The following AOAH variants were observed in gnomAD, a reference collection of about 807,000 sequenced individuals.
AOAH encodes the protein acyloxyacyl hydrolase (neutrophil).
In AOAH, 64 loss-of-function variants were observed where a neutral mutation model predicts 92.2. That is an observed-to-expected ratio of 0.69 (90% confidence interval 0.57 to 0.86). AOAH has a LOEUF of 0.86. AOAH is among the 40% of genes least tolerant of loss of function. AOAH has a pLI of 0.00. For synonymous variants in AOAH, 263 were observed against 254.5 expected, an observed-to-expected ratio of 1.03 and a Z score of -0.32; for missense variants, 656 against 694.6, an observed-to-expected ratio of 0.94 and a Z score of 0.62.
At chr7:36,632,404 C>G (rs1263738444) in intron 5 of AOAH, among the ~76,000 whole-genome samples, 2 of 152,156 alleles carry the variant, frequency 1.3e-5, no homozygotes, top group African/African-American at 4.8e-5. Context: ...GGTCCGGCAA[C>G]AGCATTCCTC....
intron 4 of AOAH, among the ~76,000 whole-genome samples, chr7:36,654,133 A>ATCCCTGTGCGTGTGTGTACG (rs1554305715): frequency 1.8e-5 from 2 of 113,856 alleles, no homozygotes; most frequent in Non-Finnish European, 4.1e-5. Flanking sequence ...GTGCGTACAC[A>ATCCCTGTGCGTGTGTGTACG]CACACACACA....
chr7:36,534,920 GTC>G (rs1444958338), intron 16 of AOAH, among the ~76,000 whole-genome samples: 5 of 151,396 alleles, frequency 3.3e-5, no homozygotes, highest in Non-Finnish European at 1.5e-5. Context: ...GTCTCTGTCT[GTC>G]TGTGTTTTTG....
At chr7:36,610,662 A>T (rs1360646190) in intron 11 of AOAH, among the ~76,000 whole-genome samples, 1 of 152,208 alleles carries the variant, frequency 6.6e-6, no homozygotes, top group Non-Finnish European at 1.5e-5. Context: ...TATATTTAAC[A>T]TATATAATTA....
intron 13 of AOAH, among the ~76,000 whole-genome samples, chr7:36,569,310 A>G (rs1270668433): frequency 1.3e-5 from 2 of 152,180 alleles, no homozygotes; most frequent in Non-Finnish European, 2.9e-5. Flanking sequence ...CTTGTCTGGA[A>G]ACTGTAAAGA....
At chr7:36,630,543 A>G (rs559858215) in intron 6 of AOAH, among the ~76,000 whole-genome samples, 20 of 152,264 alleles carry the variant, frequency 1.3e-4, no homozygotes, top group African/African-American at 4.8e-4. Flanking sequence ...GGACATGGAC[A>G]CCCAGGAGTC....
intron 3 of AOAH, among the ~76,000 whole-genome samples, chr7:36,667,771 T>C (rs924525349): frequency 6.6e-6 from 1 of 152,202 alleles, no homozygotes; most frequent in Non-Finnish European, 1.5e-5. Context: ...TTTTGTCTTA[T>C]TGGAGAACTG....
intron 13 of AOAH, among the ~76,000 whole-genome samples, chr7:36,552,295 G>T (rs1181022481): frequency 6.6e-6 from 1 of 152,094 alleles, no homozygotes; most frequent in African/African-American, 2.4e-5. Context: ...GAGGATAAAG[G>T]TTTCCAGCTC....
intron 4 of AOAH, among the ~76,000 whole-genome samples, chr7:36,654,989 C>A (rs995380314): frequency 6.6e-6 from 1 of 152,220 alleles, no homozygotes; most frequent in Non-Finnish European, 1.5e-5. Context: ...ACGTTAAGTG[C>A]AGCGGCTGGC....
intron 20 of AOAH, among the ~76,000 whole-genome samples, chr7:36,515,278 A>C (rs1583699458): frequency 2.2e-5 from 2 of 91,080 alleles, no homozygotes; most frequent in African/African-American, 4.5e-5. Context: ...ACACACCCCC[A>C]CACTACACAC....
At chr7:36,628,121 G>A (rs989453683) in intron 6 of AOAH, among the ~76,000 whole-genome samples, 31 of 152,238 alleles carry the variant, frequency 2.0e-4, no homozygotes, top group African/African-American at 6.7e-4. Flanking sequence ...GGGCAGGACC[G>A]ATGTGGGTGG....
In AOAH at chr7:36,667,558, T is replaced by C. The variant is rs115729340; in HGVS notation, c.290+6385A>G. On this transcript the variant is annotated intron_variant, in intron 3 of 20. Coordinates refer to ENST00000617537, the MANE Select transcript of AOAH (RefSeq NM_001637.4). ...CATGGTTTCAGGCATCCACTGGTGG[T>C]CTTGGAACATATTTCTCACAGATAA... 1.2e-3 allele frequency among the ~76,000 whole-genome samples: 186 copies of C among 152,330 alleles called. 1 individual carries two copies. Among genetic ancestry groups the C allele is most frequent in the African/African-American group, 4.4e-3 (182 of 41,580 alleles).
chr7:36,651,516 G>C (rs10268037), intron 4 of AOAH, among the ~76,000 whole-genome samples: 125,515 of 152,256 alleles, frequency 0.82, 52,136 homozygotes, highest in African/African-American at 0.93. Flanking sequence ...AAGCGAACAT[G>C]TCAGTGGTTT....
At chr7:36,659,082 GTAAAAGCTAAGCCTCCCTTTC>G (rs1795047826) in intron 4 of AOAH, 63 bp downstream of exon 4, 2 of 1,150,624 alleles carry the variant, frequency 1.7e-6, no homozygotes, top group Non-Finnish European at 2.6e-6. Context: ...CACTGAGCGA[GTAAAAGCTAAGCCTCCCTTTC>G]TAACATTTCC....
At chr7:36,647,862 G>T (rs1046815722) in intron 4 of AOAH, among the ~76,000 whole-genome samples, 2 of 149,172 alleles carry the variant, frequency 1.3e-5, no homozygotes, top group African/African-American at 5.0e-5. Flanking sequence ...GTGGAGTATC[G>T]CTCTGTCACC....
intron 6 of AOAH, among the ~76,000 whole-genome samples, chr7:36,628,347 C>T (rs1288845454): frequency 6.6e-6 from 1 of 152,204 alleles, no homozygotes; most frequent in Non-Finnish European, 1.5e-5. Context: ...TGTGTAGGCA[C>T]TAGGTATCCT....
chr7:36,670,930 A>G (rs1388735976), intron 3 of AOAH, among the ~76,000 whole-genome samples: 1 of 152,074 alleles, frequency 6.6e-6, no homozygotes, highest in Non-Finnish European at 1.5e-5. Flanking sequence ...ATAGCCAGGT[A>G]CAGAAGAGCA....
chr7:36,716,103 T>C (rs1799147954), intron 1 of AOAH, among the ~76,000 whole-genome samples: 1 of 152,160 alleles, frequency 6.6e-6, no homozygotes, highest in South Asian at 2.1e-4. Flanking sequence ...ATCCAGAATC[T>C]ACAATGCACT....
At chr7:36,583,515 A>C (rs559378526) in intron 12 of AOAH, among the ~76,000 whole-genome samples, 8 of 152,268 alleles carry the variant, frequency 5.3e-5, no homozygotes, top group African/African-American at 1.7e-4. Context: ...ATGTAGCCTC[A>C]GAGAGTGATA....
chr7:36,634,968 T>G (rs370698227), intron 5 of AOAH, among the ~76,000 whole-genome samples: 1 of 152,180 alleles, frequency 6.6e-6, no homozygotes, highest in African/African-American at 2.4e-5. Flanking sequence ...GCAGATGATA[T>G]AGGGGCCCCT....
Sources: allele counts gnomAD v4.1 joint callset (sites outside exome capture counted in the v4.1 genomes callset), GRCh38; gene constraint gnomAD v4.1.1; transcripts MANE v1.5; gene names NCBI Gene and HGNC (gene_info 2026-07-23, HGNC 2026-07-21).